MS4A4A: variants seen among roughly 807,000 people sequenced by gnomAD.
MS4A4A encodes the protein membrane-spanning 4-domains subfamily A member 4A.
Under a neutral mutation model 28.0 loss-of-function variants are expected in MS4A4A, and 26 were observed. The observed-to-expected ratio is 0.93, with a 90% CI of 0.68 to 1.29. The LOEUF (loss-of-function observed/expected upper bound fraction) is 1.29, where lower values mean the gene tolerates loss of function less well. Ranked by LOEUF, MS4A4A falls within the 50% of genes most tolerant of loss-of-function variation. The probability of loss-of-function intolerance (pLI) is 0.00; values close to 1 mark genes in which losing one functional copy is unlikely to be tolerated. For synonymous variants in MS4A4A, 86 were observed against 100.8 expected, an observed-to-expected ratio of 0.85 and a Z score of 0.88; for missense variants, 290 against 293.1, an observed-to-expected ratio of 0.99 and a Z score of 0.08.
chr11:60,284,773 A>G (rs2084789363), intron 1 of MS4A4A, among the ~76,000 whole-genome samples: 2 of 152,246 alleles, frequency 1.3e-5, no homozygotes, highest in African/African-American at 2.4e-5. Flanking sequence ...CTCTGAGCAG[A>G]ACACAAAATT....
chr11:60,292,083 A>G (rs1225982735), intron 1 of MS4A4A, 142 bp from the exon 2 acceptor site: 1 of 1,054,340 alleles, frequency 9.5e-7, no homozygotes, highest in Non-Finnish European at 1.3e-6. Flanking sequence ...TGCCTATTCC[A>G]CTTCCCCAGC....
chr11:60,296,967 A>T (rs1367511918), intron 2 of MS4A4A: 2 of 475,446 alleles, frequency 4.2e-6, no homozygotes, highest in East Asian at 8.5e-5. Flanking sequence ...GTTCTGGCAT[A>T]CTCCTTTTAA....
intron 4 of MS4A4A, 93 bp downstream of exon 4, chr11:60,301,150 T>C (rs2084950053): frequency 9.3e-7 from 1 of 1,077,770 alleles, no homozygotes; most frequent in Non-Finnish European, 1.3e-6. Flanking sequence ...TGTTTCTTTG[T>C]TTGTAAAAAA....
intron 2 of MS4A4A, among the ~76,000 whole-genome samples, chr11:60,293,186 T>C (rs1426229590): frequency 2.6e-5 from 4 of 152,048 alleles, no homozygotes; most frequent in Non-Finnish European, 5.9e-5. Flanking sequence ...GCCTCCTGAG[T>C]AGTTGGGATT....
intron 1 of MS4A4A, among the ~76,000 whole-genome samples, chr11:60,285,552 T>C (rs1319893350): frequency 6.6e-6 from 1 of 152,184 alleles, no homozygotes; most frequent in African/African-American, 2.4e-5. Flanking sequence ...TTTCCCTAAG[T>C]GTCAGCCAGT....
At chr11:60,306,799 AAG>A (rs2085006861) in intron 6 of MS4A4A, among the ~76,000 whole-genome samples, 1 of 152,234 alleles carries the variant, frequency 6.6e-6, no homozygotes, top group African/African-American at 2.4e-5. Flanking sequence ...TTTCACAATG[AAG>A]AGGTCCCCAA....
chr11:60,289,233 T>C (rs1392585324), intron 1 of MS4A4A, among the ~76,000 whole-genome samples: 3 of 152,152 alleles, frequency 2.0e-5, no homozygotes, highest in African/African-American at 7.2e-5. Context: ...ACCTCTGGGA[T>C]AGGACAGACA....
At chr11:60,297,034 T>C (rs2084911312) in intron 2 of MS4A4A, 163 bp from the exon 3 acceptor site, 1 of 805,958 alleles carries the variant, frequency 1.2e-6, no homozygotes, top group Admixed American at 2.7e-5. Flanking sequence ...TAAGATTACA[T>C]TCACGGTTAT....
chr11:60,284,327 T>A (rs551173735), intron 1 of MS4A4A, among the ~76,000 whole-genome samples: 40 of 152,248 alleles, frequency 2.6e-4, no homozygotes, highest in Non-Finnish European at 4.3e-4. Flanking sequence ...GTATTCCTAC[T>A]ATCACTTACT....
At chr11:60,295,472 T>A (rs893453264) in intron 2 of MS4A4A, among the ~76,000 whole-genome samples, 1 of 152,090 alleles carries the variant, frequency 6.6e-6, no homozygotes, top group Non-Finnish European at 1.5e-5. Context: ...CCAGTCTGTA[T>A]ATCTTTATTT....
At chr11:60,284,920 C>T (rs1251499706) in intron 1 of MS4A4A, among the ~76,000 whole-genome samples, 4 of 152,048 alleles carry the variant, frequency 2.6e-5, no homozygotes. Flanking sequence ...CTAATAAAGC[C>T]CATAAATTAA....
intron 1 of MS4A4A, among the ~76,000 whole-genome samples, chr11:60,289,403 T>C (rs2135015017): frequency 6.6e-6 from 1 of 152,242 alleles, no homozygotes; most frequent in South Asian, 2.1e-4. Context: ...GACTCAGAGA[T>C]TGTCCTAACT....
chr11:60,298,810 T>C (rs1238971620), intron 3 of MS4A4A, among the ~76,000 whole-genome samples: 1 of 152,240 alleles, frequency 6.6e-6, no homozygotes, highest in Non-Finnish European at 1.5e-5. Flanking sequence ...CTTTCGTAGG[T>C]GTTCCATTAG....
chr11:60,304,878 T>G (rs923343096), intron 5 of MS4A4A, among the ~76,000 whole-genome samples: 5 of 152,226 alleles, frequency 3.3e-5, no homozygotes, highest in Non-Finnish European at 5.9e-5. Context: ...TGTTTGCTGC[T>G]CTATCTTCTG....
At chr11:60,299,467 T>TC (rs2084932901) in intron 3 of MS4A4A, among the ~76,000 whole-genome samples, 2 of 142,886 alleles carry the variant, frequency 1.4e-5, no homozygotes, top group Non-Finnish European at 3.0e-5. Context: ...TTTTTTTTTT[T>TC]GGTTTTTGGT....
chr11:60,308,337 A>G lies in MS4A4A; in HGVS notation c.*159A>G. Reference sequence around the variant, plus strand: ...AATTATGAACTGTGTGTGTATAGAGAGATAATAAATTCAAAATTATGTTCT... The same window carrying G: ...AATTATGAACTGTGTGTGTATAGAGGGATAATAAATTCAAAATTATGTTCT... On this transcript the variant is annotated 3_prime_UTR_variant, in exon 7 of 7. Transcript: ENST00000337908. The G allele has an allele frequency of 1.7e-6, 1 of 574,690 alleles. No homozygotes were observed. Among genetic ancestry groups the G allele is most frequent in the Non-Finnish European group, 2.9e-6 (1 of 345,048 alleles). The allele number at this position is 574,690 out of a possible 1,614,324, so 35.6% of individuals were successfully genotyped here. A position where few individuals can be genotyped will look rare whatever the true frequency, so the allele number is the denominator to read the frequency against.
At chr11:60,301,202 C>A in intron 4 of MS4A4A, 145 bp downstream of exon 4, 1 of 666,916 alleles carries the variant, frequency 1.5e-6, no homozygotes, top group Non-Finnish European at 2.4e-6. Context: ...ATCTGTCTTT[C>A]AAAAACTGCA....
intron 2 of MS4A4A, among the ~76,000 whole-genome samples, chr11:60,296,720 C>T (rs76048270): frequency 1.9e-3 from 288 of 152,228 alleles, no homozygotes; most frequent in Non-Finnish European, 3.5e-3. Flanking sequence ...TACTCTGCTA[C>T]GTTTAGATCC....
chr11:60,308,008 A>G (rs1286897227), intron 6 of MS4A4A, 99 bp from the exon 7 acceptor site: 4 of 1,055,962 alleles, frequency 3.8e-6, no homozygotes, highest in Non-Finnish European at 5.8e-6. Context: ...TCAGAGAAGA[A>G]AAGAGTAAAC....
Sources: allele counts gnomAD v4.1 joint callset (sites outside exome capture counted in the v4.1 genomes callset), GRCh38; gene constraint gnomAD v4.1.1; transcripts MANE v1.5; gene names NCBI Gene and HGNC (gene_info 2026-07-23, HGNC 2026-07-21).